PTPRM: variants seen among roughly 807,000 people sequenced by gnomAD.
The protein encoded by PTPRM is receptor-type tyrosine-protein phosphatase mu.
PTPRM carries 47 observed loss-of-function variants against 186.7 expected under a neutral mutation model. The observed-to-expected ratio is 0.25, with a 90% CI of 0.20 to 0.32. The LOEUF is 0.32. PTPRM is among the 10% of genes least tolerant of loss of function. The pLI is 1.00. For synonymous variants in PTPRM, 668 were observed against 674.9 expected, an observed-to-expected ratio of 0.99 and a Z score of 0.16; for missense variants, 1,494 against 1,865.0, an observed-to-expected ratio of 0.80 and a Z score of 3.66.
intron 1 of PTPRM, chr18:7,754,705 A>C (rs2041387409): frequency 6.6e-6 from 1 of 152,264 alleles, no homozygotes; most frequent in Admixed American, 6.5e-5. Flanking sequence ...AGAAATAAGC[A>C]TCAGGAGTGG....
At chr18:8,289,561 C>CGTATATATAT (rs2095011962) in intron 19 of PTPRM, among the ~76,000 whole-genome samples, 1 of 76,870 alleles carries the variant, frequency 1.3e-5, no homozygotes, top group Non-Finnish European at 2.5e-5. Context: ...CATATATATA[C>CGTATATATAT]ACATATATAT....
chr18:7,995,909 T>C (rs2083507414), intron 7 of PTPRM: 1 of 152,210 alleles, frequency 6.6e-6, no homozygotes, highest in Non-Finnish European at 1.5e-5. Flanking sequence ...CTTTGTTCTT[T>C]GCTTGCTGAA....
intron 22 of PTPRM, among the ~76,000 whole-genome samples, chr18:8,323,703 T>C (rs2095359267): frequency 6.6e-6 from 1 of 152,126 alleles, no homozygotes; most frequent in South Asian, 2.1e-4. Flanking sequence ...TACAGCACCC[T>C]GTAGAGTCCA....
At chr18:7,728,968 G>A (rs1166199252) in intron 1 of PTPRM, among the ~76,000 whole-genome samples, 1 of 145,096 alleles carries the variant, frequency 6.9e-6, no homozygotes, top group East Asian at 2.0e-4. Flanking sequence ...CTATTGTCAA[G>A]GCTAGAGTAC....
intron 2 of PTPRM, among the ~76,000 whole-genome samples, chr18:7,880,420 G>C (rs2048448611): frequency 6.6e-6 from 1 of 152,214 alleles, no homozygotes; most frequent in East Asian, 1.9e-4. Context: ...CAAACGGAAA[G>C]AAAATGTGTC....
intron 2 of PTPRM, among the ~76,000 whole-genome samples, chr18:7,816,717 A>G (rs2044846750): frequency 6.6e-6 from 1 of 152,070 alleles, no homozygotes; most frequent in South Asian, 2.1e-4. Flanking sequence ...TCACCCTTTC[A>G]TGTTTCTCTA....
chr18:7,984,495 G>A (rs964956737), intron 7 of PTPRM, among the ~76,000 whole-genome samples: 6 of 148,116 alleles, frequency 4.1e-5, no homozygotes, highest in Non-Finnish European at 7.4e-5. Flanking sequence ...ATCTACCTTC[G>A]TGATTAATAT....
chr18:7,945,993 T>C (rs1427154113), intron 5 of PTPRM, among the ~76,000 whole-genome samples: 1 of 152,194 alleles, frequency 6.6e-6, no homozygotes, highest in East Asian at 1.9e-4. Context: ...TTTCATGTGA[T>C]TAAGTACAGG....
chr18:7,908,004 C>A (rs2050079473), intron 4 of PTPRM, among the ~76,000 whole-genome samples: 1 of 151,742 alleles, frequency 6.6e-6, no homozygotes. Flanking sequence ...GTGTTTCCCA[C>A]AGTTTTTCTC....
At chr18:8,399,124 G>T (rs928584017) in intron 32 of PTPRM, among the ~76,000 whole-genome samples, 18 of 152,228 alleles carry the variant, frequency 1.2e-4, no homozygotes, top group Non-Finnish European at 2.1e-4. Flanking sequence ...GTGCTCCAAG[G>T]AGCTGAGCAG....
chr18:8,249,841 G>A (rs1459840664), intron 17 of PTPRM, among the ~76,000 whole-genome samples: 1 of 152,186 alleles, frequency 6.6e-6, no homozygotes, highest in Non-Finnish European at 1.5e-5. Flanking sequence ...GATGCACATT[G>A]TAAAAAATAA....
chr18:8,190,655 G>A (rs2093698363), intron 14 of PTPRM, among the ~76,000 whole-genome samples: 1 of 152,044 alleles, frequency 6.6e-6, no homozygotes, highest in Non-Finnish European at 1.5e-5. Context: ...CTGTTTATCT[G>A]TAGTAATTTC....
At chr18:8,268,983 C>T (rs1944261407) in intron 19 of PTPRM, among the ~76,000 whole-genome samples, 1 of 151,920 alleles carries the variant, frequency 6.6e-6, no homozygotes, top group African/African-American at 2.4e-5. Context: ...CAAAGAAAAG[C>T]TGAAAGCTTT....
chr18:7,625,620 C>T (rs137917305), intron 1 of PTPRM, among the ~76,000 whole-genome samples: 14,262 of 131,562 alleles, frequency 0.11, 800 homozygotes, highest in South Asian at 0.24. Flanking sequence ...CTGCAACCTC[C>T]GCCTCACGGG....
At chr18:7,811,839 A>C (rs955935028) in intron 2 of PTPRM, among the ~76,000 whole-genome samples, 6 of 152,112 alleles carry the variant, frequency 3.9e-5, no homozygotes, top group Non-Finnish European at 7.3e-5. Context: ...TATTCTGAAC[A>C]CTTGAAAGGG....
At chr18:8,273,994 C>G (rs939409553) in intron 19 of PTPRM, among the ~76,000 whole-genome samples, 5 of 152,144 alleles carry the variant, frequency 3.3e-5, no homozygotes, top group African/African-American at 1.2e-4. Flanking sequence ...GGCAACTGAC[C>G]TACTCCAGTG....
chr18:7,921,474 G>A (rs1296105826), intron 4 of PTPRM, among the ~76,000 whole-genome samples: 11 of 150,954 alleles, frequency 7.3e-5, no homozygotes, highest in African/African-American at 1.5e-4. Context: ...TTTGCCTCCC[G>A]GGTACATGCC....
chr18:7,590,818 A>G (rs1416462337), intron 1 of PTPRM, among the ~76,000 whole-genome samples: 1 of 152,242 alleles, frequency 6.6e-6, no homozygotes, highest in Admixed American at 6.5e-5. Flanking sequence ...AATATTAACC[A>G]CAGTTAATTA....
chr18:7,659,842 TGCAGAA>T (rs1433461877), intron 1 of PTPRM, among the ~76,000 whole-genome samples: 1 of 152,212 alleles, frequency 6.6e-6, no homozygotes, highest in Admixed American at 6.5e-5. Flanking sequence ...CTTAATCTAG[TGCAGAA>T]GCCTTAGATC....
Sources: allele counts gnomAD v4.1 joint callset (sites outside exome capture counted in the v4.1 genomes callset), GRCh38; gene constraint gnomAD v4.1.1; transcripts MANE v1.5; gene names NCBI Gene and HGNC (gene_info 2026-07-23, HGNC 2026-07-21).